RAB27A: variants seen among roughly 807,000 people sequenced by gnomAD.
The protein encoded by RAB27A is ras-related protein Rab-27A.
RAB27A carries 17 observed loss-of-function variants against 20.8 expected under a neutral mutation model. The observed-to-expected ratio is 0.82, with a 90% confidence interval of 0.56 to 1.23. RAB27A has a LOEUF of 1.23. Among genes scored for constraint, RAB27A ranks in the 50% most tolerant of loss-of-function variants. The pLI, the probability that RAB27A is intolerant of heterozygous loss-of-function variation, is 0.00. For missense variants in RAB27A, 277 were observed against 266.7 expected, an observed-to-expected ratio of 1.04 and a Z score of -0.27; for synonymous variants, 85 against 92.8, an observed-to-expected ratio of 0.92 and a Z score of 0.48.
intron 6 of RAB27A, among the ~76,000 whole-genome samples, chr15:55,221,233 T>C (rs1006817079): frequency 2.0e-5 from 3 of 152,174 alleles, no homozygotes; most frequent in African/African-American, 7.2e-5. Flanking sequence ...CTTGAGAATA[T>C]ACTTGAATGT....
At chr15:55,318,363 C>T (rs1167232260) in intron 1 of RAB27A, among the ~76,000 whole-genome samples, 5 of 149,466 alleles carry the variant, frequency 3.3e-5, no homozygotes, top group African/African-American at 1.2e-4. Context: ...TCCCAAAGTA[C>T]TGGGAATACA....
At chr15:55,271,293 A>G (rs565059159) in intron 1 of RAB27A, among the ~76,000 whole-genome samples, 5 of 152,332 alleles carry the variant, frequency 3.3e-5, no homozygotes, top group Admixed American at 3.3e-4. Context: ...ACGTTTTATA[A>G]TTCGCTAAGT....
intron 2 of RAB27A, among the ~76,000 whole-genome samples, chr15:55,269,402 A>C (rs1897626040): frequency 6.6e-6 from 1 of 152,224 alleles, no homozygotes; most frequent in Admixed American, 6.5e-5. Context: ...AATTCCCAGA[A>C]GAAATAAACC....
chr15:55,207,734 G>A (rs997471556), intron 6 of RAB27A, among the ~76,000 whole-genome samples: 2 of 152,036 alleles, frequency 1.3e-5, no homozygotes, highest in African/African-American at 4.8e-5. Flanking sequence ...CCAGGCTGGA[G>A]TGTAATGGTG....
rs1243909014 is a variant in RAB27A, at chr15:55,205,362, C to T, written c.*145G>A. On this transcript the variant is annotated 3_prime_UTR_variant, in exon 7 of 7. Transcript: ENST00000336787. ...AGCTGCAACAAATTAATTTTAGAAC[C>T]GGATGCTTTATTCGTAGGTCTAATG... is the stretch of plus-strand genomic sequence containing the variant. 1.9e-5 allele frequency: 15 copies of T among 797,014 alleles called. No individual in the cohort carries two copies. The highest frequency in any genetic ancestry group is 1.0e-4 in the East Asian group (4 of 40,080). The allele number at this position is 797,014 out of a possible 1,614,324, so 49.4% of individuals were successfully genotyped here. A position where few individuals can be genotyped will look rare whatever the true frequency, so the allele number is the denominator to read the frequency against.
At chr15:55,254,218 A>AT (rs1364989986) in intron 2 of RAB27A, among the ~76,000 whole-genome samples, 1 of 152,160 alleles carries the variant, frequency 6.6e-6, no homozygotes, top group Non-Finnish European at 1.5e-5. Flanking sequence ...ATACCTTCCT[A>AT]TTTTTTAAAG....
At chr15:55,274,499 T>A (rs959941144) in intron 1 of RAB27A, among the ~76,000 whole-genome samples, 1 of 149,294 alleles carries the variant, frequency 6.7e-6, no homozygotes, top group African/African-American at 2.4e-5. Context: ...CAAAACTGGC[T>A]GGGTGCGGTG....
chr15:55,267,461 G>A (rs1202361135), intron 2 of RAB27A, among the ~76,000 whole-genome samples: 1 of 152,062 alleles, frequency 6.6e-6, no homozygotes, highest in African/African-American at 2.4e-5. Flanking sequence ...CTGCCCCCCA[G>A]CCTACACCAC....
chr15:55,278,656 G>T (rs1229755081), intron 1 of RAB27A, among the ~76,000 whole-genome samples: 1 of 151,862 alleles, frequency 6.6e-6, no homozygotes, highest in Non-Finnish European at 1.5e-5. Context: ...CTAATTTTTT[G>T]TATTTTTAGT....
intron 2 of RAB27A, among the ~76,000 whole-genome samples, chr15:55,236,057 A>G (rs1896244470): frequency 6.6e-6 from 1 of 152,036 alleles, no homozygotes; most frequent in South Asian, 2.1e-4. Context: ...CAGATTGAAT[A>G]CAGTGTACAC....
chr15:55,314,957 C>T (rs1328947681), intron 1 of RAB27A, among the ~76,000 whole-genome samples: 1 of 152,158 alleles, frequency 6.6e-6, no homozygotes, highest in Non-Finnish European at 1.5e-5. Flanking sequence ...ATAGCCAAGG[C>T]AACCCCAAGC....
intron 2 of RAB27A, among the ~76,000 whole-genome samples, chr15:55,303,658 T>G (rs1170822545): frequency 5.5e-5 from 3 of 54,712 alleles, no homozygotes; most frequent in Admixed American, 1.9e-4. Context: ...GGGAGGGAGG[T>G]GGGGGGGGTC....
intron 1 of RAB27A, among the ~76,000 whole-genome samples, chr15:55,283,485 T>A (rs1898071162): frequency 6.6e-6 from 1 of 152,120 alleles, no homozygotes; most frequent in South Asian, 2.1e-4. Flanking sequence ...CCCACTTCAA[T>A]ACACAGCCTA....
intron 2 of RAB27A, among the ~76,000 whole-genome samples, chr15:55,267,186 T>C (rs887514590): frequency 8.5e-5 from 13 of 152,210 alleles, no homozygotes; most frequent in Non-Finnish European, 2.9e-5. Context: ...AATGGACTTA[T>C]CATTGAGCTA....
At chr15:55,215,651 C>CA (rs562538229) in intron 6 of RAB27A, among the ~76,000 whole-genome samples, 938 of 76,570 alleles carry the variant, frequency 0.012, 52 homozygotes, top group African/African-American at 0.033. Context: ...GACTCCGTCT[C>CA]AAAAAAAAAA....
chr15:55,223,543 T>G (rs1171656801), intron 6 of RAB27A, among the ~76,000 whole-genome samples: 4 of 151,642 alleles, frequency 2.6e-5, no homozygotes, highest in East Asian at 3.9e-4. Context: ...AAAAAGAAAT[T>G]TCCTCGCTCA....
At position 55,300,106 on chromosome 15, in the gene RAB27A, C is replaced by T. The variant is rs564276871; in HGVS notation, c.-112+13933G>A. Among the ~76,000 whole-genome samples, 4 of 152,184 alleles carry T rather than the reference C, an allele frequency of 2.6e-5. No homozygotes were observed. In the South Asian group the frequency reaches 8.3e-4, roughly 32 times the overall value. On this transcript the variant is annotated intron_variant, in intron 2 of 5. Coordinates refer to the RAB27A transcript ENST00000563262. ...AAGTGCTGGGATTACAGGCATGAGC[C>T]ACCGCGCCTGGCCAATCCTAATTTC...
chr15:55,319,084 A>T lies in RAB27A; in HGVS notation c.-387T>A, dbSNP rs529264954. On this transcript the variant is annotated 5_prime_UTR_variant, in exon 1 of 6. Coordinates refer to the RAB27A transcript ENST00000563262. ...AATCCCTCGGTTCGGAAACGGCGAAAGGAAACCGCAAGGAGGCCACCACGT... is the reference window on the plus strand; with the variant it reads ...AATCCCTCGGTTCGGAAACGGCGAATGGAAACCGCAAGGAGGCCACCACGT... The T allele has an allele frequency of 1.5e-4, 121 of 793,890 alleles. 2 individuals are homozygous for T. In the African/African-American group the frequency reaches 1.7e-3, roughly 11 times the overall value. The allele number at this position is 793,890 out of a possible 1,614,324, so 49.2% of individuals were successfully genotyped here.
chr15:55,210,430 G>T (rs1161034248), intron 6 of RAB27A, among the ~76,000 whole-genome samples: 1 of 143,796 alleles, frequency 7.0e-6, no homozygotes, highest in Non-Finnish European at 1.5e-5. Flanking sequence ...TTTTTTGAGG[G>T]GGGGGGAATT....
Sources: allele counts gnomAD v4.1 joint callset (sites outside exome capture counted in the v4.1 genomes callset), GRCh38; gene constraint gnomAD v4.1.1; transcripts MANE v1.5; gene names NCBI Gene and HGNC (gene_info 2026-07-23, HGNC 2026-07-21).